Variants in MASTL observed in about 807,000 individuals in gnomAD.
MASTL encodes the protein serine/threonine-protein kinase greatwall.
Under a neutral mutation model 82.5 loss-of-function variants are expected in MASTL, and 54 were observed. The observed-to-expected ratio is 0.65, with a 90% confidence interval of 0.53 to 0.82. The LOEUF (loss-of-function observed/expected upper bound fraction) is 0.82, where lower values mean the gene tolerates loss of function less well. MASTL is among the 40% of genes least tolerant of loss of function. MASTL has a pLI of 0.00. For synonymous variants in MASTL, 323 were observed against 368.9 expected (o/e 0.88, Z 1.43); for missense variants, 950 against 1,047.8 (o/e 0.91, Z 1.29).
At chr10:27,160,159 C>CTTTTTTTTTTT (rs58196933) in intron 3 of MASTL, among the ~76,000 whole-genome samples, 1 of 40,574 alleles carries the variant, frequency 2.5e-5, no homozygotes, top group Non-Finnish European at 3.8e-5. Context: ...TTACTCTTGG[C>CTTTTTTTTTTT]TTTTTTTTTT....
At chr10:27,162,671 A>C (rs1179179648) in intron 4 of MASTL, among the ~76,000 whole-genome samples, 1 of 152,100 alleles carries the variant, frequency 6.6e-6, no homozygotes, top group African/African-American at 2.4e-5. Context: ...TCCATCTCGA[A>C]AAAAAAAGAA....
At chr10:27,184,187 G>A (rs1198384995) in intron 11 of MASTL, among the ~76,000 whole-genome samples, 1 of 152,164 alleles carries the variant, frequency 6.6e-6, no homozygotes, top group Non-Finnish European at 1.5e-5. Context: ...ACAACATAAT[G>A]TCATGTAGTG....
rs2057870842 is a variant in MASTL at position 27,170,041 on chromosome 10, A to G, written c.1082A>G (p.Asn361Ser). The change falls in exon 8 of 12, where the codon AAT becomes AGT. Residue 361 changes from asparagine (N) to serine (S), a missense_variant. Transcript: ENST00000375940. ...AATGCCATTGAGACGAAAGGTTTCA[A>G]TAAAAAGGATCTGGAGTTAGCTCTT... ...SANAIETKGF[N>S]KKDLELALSP... 1.9e-6 allele frequency: 3 copies of G among 1,614,114 alleles called. No individual in the cohort carries two copies. The highest frequency in any genetic ancestry group is 2.7e-5 in the African/African-American group (2 of 74,944).
chr10:27,183,269 TTTGTTGTTGTTGTTG>T (rs4018758), intron 11 of MASTL, among the ~76,000 whole-genome samples: 5 of 150,184 alleles, frequency 3.3e-5, no homozygotes, highest in South Asian at 2.1e-4. Context: ...TTAAAATTCT[TTTGTTGTTGTTGTTG>T]TTGTTGTTGT....
intron 7 of MASTL, among the ~76,000 whole-genome samples, 187 bp from the exon 8 acceptor site, chr10:27,169,757 A>G (rs1480591102): frequency 6.6e-6 from 1 of 152,198 alleles, no homozygotes; most frequent in Non-Finnish European, 1.5e-5. Context: ...ATTCAGAATA[A>G]TGTATATAAG....
At chr10:27,163,457 G>T (rs11818842) in intron 4 of MASTL, among the ~76,000 whole-genome samples, 1 of 151,970 alleles carries the variant, frequency 6.6e-6, no homozygotes, top group Non-Finnish European at 1.5e-5. Context: ...AGATAAAATT[G>T]TTGATAAATT....
At chr10:27,161,802 A>G (rs1393599870) in intron 4 of MASTL, among the ~76,000 whole-genome samples, 1 of 152,190 alleles carries the variant, frequency 6.6e-6, no homozygotes, top group East Asian at 1.9e-4. Flanking sequence ...CCCAAGTGAA[A>G]TTGATTCTTA....
intron 8 of MASTL, among the ~76,000 whole-genome samples, chr10:27,171,875 C>T (rs549053226): frequency 4.2e-4 from 54 of 128,116 alleles, no homozygotes; most frequent in Admixed American, 7.8e-4. Context: ...TGTCACCAGG[C>T]TGGAGTGCAG....
At chr10:27,168,662 C>G (rs1168767878) in intron 7 of MASTL, among the ~76,000 whole-genome samples, 1 of 152,004 alleles carries the variant, frequency 6.6e-6, no homozygotes, top group African/African-American at 2.4e-5. Flanking sequence ...ACTAAAAATA[C>G]AAAAATTAAC....
intron 4 of MASTL, among the ~76,000 whole-genome samples, chr10:27,161,844 A>C (rs539504899): frequency 1.3e-5 from 2 of 152,226 alleles, no homozygotes; most frequent in Non-Finnish European, 2.9e-5. Context: ...GACCAGAATA[A>C]CTATAACATG....
chr10:27,183,594 G>A (rs998608310), intron 11 of MASTL, among the ~76,000 whole-genome samples: 8 of 152,106 alleles, frequency 5.3e-5, no homozygotes, highest in African/African-American at 1.9e-4. Context: ...GTAATATAGA[G>A]AAAAGCATTA....
At chr10:27,180,128 T>A (rs1401637979) in intron 9 of MASTL, among the ~76,000 whole-genome samples, 1 of 152,208 alleles carries the variant, frequency 6.6e-6, no homozygotes, top group Non-Finnish European at 1.5e-5. Flanking sequence ...ATGTTGCAGA[T>A]AGTGACTATC....
intron 1 of MASTL, among the ~76,000 whole-genome samples, chr10:27,155,980 G>C (rs1213295143): frequency 6.6e-6 from 1 of 152,180 alleles, no homozygotes; most frequent in Non-Finnish European, 1.5e-5. Flanking sequence ...GTGATTCGTA[G>C]TCTCACCCTG....
rs1294682624 is a variant in MASTL, at chr10:27,165,440, T to G, written c.712T>G (p.Cys238Gly). ...AGACCCTGCAAACATCCTTTCAGCC[T>G]GTCTGTCTGAAACATCACAGCTTTC... is the stretch of plus-strand genomic sequence containing the variant. ...NQDPANILSA[C>G]LSETSQLSQG... Residue 238 changes from cysteine to glycine, a missense_variant, in exon 6 of 12, where the codon TGT becomes GGT. Cys to Gly is a radical substitution (Grantham distance 159). Coordinates refer to ENST00000375940, the MANE Select transcript of MASTL (RefSeq NM_001172303.3). 6.2e-7 allele frequency: 1 copy of G among 1,613,844 alleles called. No individual in the cohort carries two copies. The highest frequency in any genetic ancestry group is 1.7e-5 in the Admixed American group (1 of 59,998).
chr10:27,165,242 T>TAA, intron 5 of MASTL, 72 bp downstream of exon 5: 1 of 1,360,944 alleles, frequency 7.3e-7, no homozygotes, highest in Non-Finnish European at 1.0e-6. Flanking sequence ...AAATCACCTT[T>TAA]AAAAAAAAAG....
At chr10:27,165,686 G>A in intron 6 of MASTL, 147 bp downstream of exon 6, 1 of 881,996 alleles carries the variant, frequency 1.1e-6, no homozygotes, top group Non-Finnish European at 1.8e-6. Flanking sequence ...GATCTCGGCG[G>A]CTCACTGCAA....
At chr10:27,176,340 A>G (rs1272732018) in intron 9 of MASTL, among the ~76,000 whole-genome samples, 1 of 152,112 alleles carries the variant, frequency 6.6e-6, no homozygotes, top group Non-Finnish European at 1.5e-5. Flanking sequence ...CTTCAACTTC[A>G]TCTTATTATC....
At chr10:27,169,567 CAA>C (rs766925239) in intron 7 of MASTL, among the ~76,000 whole-genome samples, 4 of 101,706 alleles carry the variant, frequency 3.9e-5, no homozygotes, top group Admixed American at 1.1e-4. Flanking sequence ...GACCCCATTT[CAA>C]AAAAAAAAAA....
At position 27,168,700 on chromosome 10, in the gene MASTL, C is replaced by G. The variant is rs191789595; in HGVS notation, c.985-1244C>G. On this transcript the variant is annotated intron_variant, in intron 7 of 11. Transcript: ENST00000375940. ...GGCGTGGTGGTGGGCGCCTGTAATC[C>G]CAGCTACTCAGGAGGCTGAGGCAGG... Among the ~76,000 whole-genome samples, 215 of 151,962 alleles carry G rather than the reference C, an allele frequency of 1.4e-3. 1 individual carries two copies. The highest frequency in any genetic ancestry group is 5.1e-3 in the African/African-American group (210 of 41,452).
Sources: gnomAD v4.1 joint callset for allele counts (sites outside exome capture counted in the v4.1 genomes callset) on GRCh38, gnomAD v4.1.1 for gene constraint, MANE v1.5 for transcripts, NCBI Gene and HGNC (gene_info 2026-07-23, HGNC 2026-07-21) for gene names.